The following HPS3 variants were observed in gnomAD, a reference collection of about 807,000 sequenced individuals.
HPS3 encodes HPS3 biogenesis of lysosomal organelles complex 2 subunit 1.
A neutral mutation model predicts 110.9 loss-of-function variants in HPS3; 79 were observed. The observed-to-expected ratio is 0.71, with a 90% CI of 0.59 to 0.86. The LOEUF is 0.86. Ranked by LOEUF, HPS3 falls within the 40% of genes least tolerant of loss-of-function variation. The probability of loss-of-function intolerance (pLI) is 0.00; values close to 1 mark genes in which losing one functional copy is unlikely to be tolerated. For missense variants in HPS3, 1,197 were observed against 1,206.2 expected (o/e 0.99, Z 0.11); for synonymous variants, 428 against 451.0 (o/e 0.95, Z 0.65).
At chr3:149,165,048 C>G (rs1467527459) in intron 14 of HPS3, among the ~76,000 whole-genome samples, 1 of 152,160 alleles carries the variant, frequency 6.6e-6, no homozygotes, top group Non-Finnish European at 1.5e-5. Flanking sequence ...CCAGAGATGG[C>G]ATTATTTATG....
chr3:149,133,481 A>G (rs1209883621), intron 1 of HPS3, among the ~76,000 whole-genome samples: 5 of 151,944 alleles, frequency 3.3e-5, no homozygotes, highest in Admixed American at 3.3e-4. Context: ...TATTTTTAGT[A>G]GAGATGGGGT....
At chr3:149,171,884 T>G (rs1725025318) in intron 16 of HPS3, among the ~76,000 whole-genome samples, 2 of 151,994 alleles carry the variant, frequency 1.3e-5, no homozygotes, top group South Asian at 4.2e-4. Flanking sequence ...TTTTTGTATT[T>G]TTAGTAGAGA....
chr3:149,145,671 A>G (rs1722747557), intron 5 of HPS3, 125 bp downstream of exon 5: 1 of 802,646 alleles, frequency 1.2e-6, no homozygotes, highest in African/African-American at 1.7e-5. Context: ...GTTACATGTC[A>G]TTGTAAGTCT....
chr3:149,159,631 G>A (rs940877137), intron 10 of HPS3, among the ~76,000 whole-genome samples: 1 of 152,126 alleles, frequency 6.6e-6, no homozygotes, highest in Non-Finnish European at 1.5e-5. Flanking sequence ...TGCCACATTA[G>A]AAATTGTGGT....
chr3:149,156,988 A>G (rs945307856), intron 8 of HPS3, among the ~76,000 whole-genome samples: 9 of 152,214 alleles, frequency 5.9e-5, no homozygotes, highest in Admixed American at 2.0e-4. Flanking sequence ...AAAGAATTAA[A>G]TCACAATTTT....
intron 1 of HPS3, among the ~76,000 whole-genome samples, chr3:149,136,175 T>TAC (rs369745955): frequency 6.1e-5 from 9 of 148,090 alleles, no homozygotes; most frequent in African/African-American, 2.3e-4. Context: ...TGTATATATA[T>TAC]ACACACACAC....
Position 149,140,122 on chromosome 3 carries a change from T to C in HPS3, c.336T>C (p.Asn112=), listed in dbSNP as rs1436138329. The C allele has an allele frequency of 6.2e-7, 1 of 1,613,712 alleles. No homozygotes were observed. Among genetic ancestry groups the C allele is most frequent in the Middle Eastern group, 1.7e-4 (1 of 6,056 alleles). ...SRVCIRMIGH[N]VEGPFSKAFR... is the part of the protein sequence containing the mutation. ...TGTGTATCCGAATGATTGGGCATAATGTGGAGGGACCATTCAGCAAAGCCT... is the reference window on the plus strand; with the variant it reads ...TGTGTATCCGAATGATTGGGCATAACGTGGAGGGACCATTCAGCAAAGCCT... Residue 112 remains asparagine, a synonymous_variant, in exon 2 of 17, where the codon AAT becomes AAC. Coordinates refer to ENST00000296051, the MANE Select transcript of HPS3 (RefSeq NM_032383.5).
Position 149,162,296 on chromosome 3 carries a change from A to G in HPS3, c.2255A>G (p.Asn752Ser). Residue 752 changes from asparagine (N) to serine (S), a missense_variant, in exon 12 of 17, where the codon AAC becomes AGC. Physicochemically the swap from Asn to Ser is conservative, Grantham distance 46. Coordinates refer to ENST00000296051, the MANE Select transcript of HPS3 (RefSeq NM_032383.5). ...VASVLGLQKN[N>S]KIGIEEADSF... is the part of the protein sequence containing the mutation. ...TCAGTTCTGGGCTTGCAGAAGAACAACAAAATTGGAATTGAAGAAGCAGAT... is the reference window on the plus strand; with the variant it reads ...TCAGTTCTGGGCTTGCAGAAGAACAGCAAAATTGGAATTGAAGAAGCAGAT... 1 of 1,614,056 alleles carries G rather than the reference A, an allele frequency of 6.2e-7. No homozygotes were observed. Among genetic ancestry groups the G allele is most frequent in the Non-Finnish European group, 8.5e-7 (1 of 1,179,938 alleles).
intron 1 of HPS3, among the ~76,000 whole-genome samples, chr3:149,131,341 T>C (rs1721763571): frequency 1.3e-5 from 2 of 151,982 alleles, no homozygotes; most frequent in Non-Finnish European, 2.9e-5. Flanking sequence ...AATTGAAAGT[T>C]TGTGGCAACT....
In HPS3 at chr3:149,130,703, C is replaced by G. The variant is rs181947229; in HGVS notation, c.217+763C>G. 7.4e-3 allele frequency among the ~76,000 whole-genome samples: 1,132 copies of G among 152,212 alleles called. 13 individuals are homozygous for G. The highest frequency in any genetic ancestry group is 0.025 in the African/African-American group (1,051 of 41,520). On this transcript the variant is annotated intron_variant, in intron 1 of 16. Transcript: ENST00000296051. ...GCTGAGGCAGGAGAATCGCTTGAAC[C>G]GGGGAGGCGGAGATTGCCCCATTGC...
intron 12 of HPS3, 69 bp from the exon 13 acceptor site, chr3:149,162,621 C>A: frequency 6.8e-7 from 1 of 1,480,078 alleles, no homozygotes; most frequent in South Asian, 1.1e-5. Flanking sequence ...CTGTGATATT[C>A]AGCCCAGCTG....
intron 5 of HPS3, 57 bp from the exon 6 acceptor site, chr3:149,150,542 G>C (rs1723035893): frequency 7.2e-7 from 1 of 1,386,314 alleles, no homozygotes; most frequent in Non-Finnish European, 1.0e-6. Flanking sequence ...CCTCCCTGCT[G>C]TGGGTATGTT....
Position 149,158,714 on chromosome 3 carries a change from TG to T in HPS3, c.1742del (p.Gly581ValfsTer15). 1.2e-6 allele frequency: 2 copies of T among 1,613,826 alleles called. No individual in the cohort carries two copies. The highest frequency in any genetic ancestry group is 1.7e-6 in the Non-Finnish European group (2 of 1,179,776). On this transcript the variant is annotated frameshift_variant, in exon 10 of 17. Coordinates refer to ENST00000296051, the MANE Select transcript of HPS3 (RefSeq NM_032383.5). LOFTEE classifies it high-confidence loss of function. Reference sequence around the variant, plus strand: ...TCACCTTGCCATACTATAAGATGTCTGGTTTGTCTATGGCTGAAGTTCTGGC... The same window carrying T: ...TCACCTTGCCATACTATAAGATGTCTGTTTGTCTATGGCTGAAGTTCTGGC... ...HLTLPYYKMS[G>X]LSMAEVLART...
chr3:149,172,318 T>TCACACACACA lies in HPS3; in HGVS notation c.*125_*134dup, dbSNP rs113015797. 4,785 of 571,368 alleles carry TCACACACACA rather than the reference T, an allele frequency of 8.4e-3. 26 individuals are homozygous for TCACACACACA. The highest frequency in any genetic ancestry group is 0.028 in the African/African-American group (1,362 of 49,460). 35.4% of individuals were successfully genotyped at this position (571,368 alleles called of 1,614,324 possible). A position where few individuals can be genotyped will look rare whatever the true frequency, so the allele number is the denominator to read the frequency against. On this transcript the variant is annotated 3_prime_UTR_variant, in exon 17 of 17. Transcript: ENST00000296051. ...GTAGAGGAGTTTTTTATTTTATATA[T>TCACACACACA]CACACACACACACACACACACACAC...
intron 8 of HPS3, among the ~76,000 whole-genome samples, 178 bp downstream of exon 8, chr3:149,155,393 G>A (rs1428916758): frequency 1.3e-5 from 2 of 152,048 alleles, no homozygotes; most frequent in Non-Finnish European, 1.5e-5. Flanking sequence ...TCTGACATCC[G>A]AGGAACCAGT....
chr3:149,134,246 A>G (rs1721943775), intron 1 of HPS3, among the ~76,000 whole-genome samples: 1 of 152,138 alleles, frequency 6.6e-6, no homozygotes. Flanking sequence ...TCTGTCTTTA[A>G]TGGTCATACC....
chr3:149,144,792 T>C (rs754066492), intron 4 of HPS3, among the ~76,000 whole-genome samples: 2 of 152,210 alleles, frequency 1.3e-5, no homozygotes, highest in Non-Finnish European at 2.9e-5. Context: ...AATTGAGATA[T>C]GGCATAAGTA....
intron 16 of HPS3, chr3:149,170,416 A>G (rs1724859042): frequency 1.3e-5 from 2 of 152,240 alleles, no homozygotes; most frequent in Admixed American, 6.5e-5. Flanking sequence ...GCTAGTTAGT[A>G]GTTGCTGTTT....
In HPS3 at chr3:149,162,141, T is replaced by C. The variant is rs766812683; in HGVS notation, c.2107-7T>C. Reference sequence around the variant, plus strand: ...CTTTTGTTCCTAAATTTCTTTCTTATCTGAAGATGAAGTTGGTATGTGGCT... The same window carrying C: ...CTTTTGTTCCTAAATTTCTTTCTTACCTGAAGATGAAGTTGGTATGTGGCT... On this transcript the variant is annotated splice_region_variant and splice_polypyrimidine_tract_variant and intron_variant, in intron 11 of 16. Transcript: ENST00000296051. 2.5e-6 allele frequency: 4 copies of C among 1,612,754 alleles called. No homozygotes were observed. Among genetic ancestry groups the C allele is most frequent in the African/African-American group, 2.7e-5 (2 of 75,006 alleles).
Sources: allele counts gnomAD v4.1 joint callset (sites outside exome capture counted in the v4.1 genomes callset), GRCh38; gene constraint gnomAD v4.1.1; transcripts MANE v1.5; gene names NCBI Gene and HGNC (gene_info 2026-07-23, HGNC 2026-07-21).